SLC35G2: variants seen among roughly 807,000 people sequenced by gnomAD.
SLC35G2 encodes the protein solute carrier family 35 member G2.
Under a neutral mutation model 27.2 loss-of-function variants are expected in SLC35G2, and 20 were observed. The ratio of observed to expected loss-of-function variants is 0.74; its 90% CI spans 0.52 to 1.07. SLC35G2 has a LOEUF of 1.07. Among genes scored for constraint, SLC35G2 ranks in the 50% least tolerant of loss-of-function variants. The pLI is 0.00. For missense variants in SLC35G2, 416 were observed against 493.3 expected (o/e 0.84, Z 1.48); for synonymous variants, 148 against 165.3 (o/e 0.90, Z 0.80).
chr3:136,848,710 A>G (rs1329360500), intron 1 of SLC35G2, among the ~76,000 whole-genome samples: 1 of 152,224 alleles, frequency 6.6e-6, no homozygotes, highest in Non-Finnish European at 1.5e-5. Context: ...GTTCTGTCTT[A>G]CAAGCTCTTA....
At chr3:136,821,869 T>G (rs964506608) in intron 1 of SLC35G2, among the ~76,000 whole-genome samples, 2 of 152,236 alleles carry the variant, frequency 1.3e-5, no homozygotes, top group Non-Finnish European at 2.9e-5. Flanking sequence ...GATTAATAAC[T>G]CCTGATTTTC....
rs992696028 is a variant in SLC35G2, at chr3:136,848,902, C to T, written c.-18-5541C>T. Among the ~76,000 whole-genome samples, 7 of 152,000 alleles carry T rather than the reference C, an allele frequency of 4.6e-5. No homozygotes were observed. The South Asian group carries it at 6.2e-4, about 14-fold the overall frequency. ...ACCATTACATAATATATACATGTAA[C>T]GAACCGGGCACGGTGGCCTGTAATC... On this transcript the variant is annotated intron_variant, in intron 1 of 1. Coordinates refer to ENST00000446465, the MANE Select transcript of SLC35G2 (RefSeq NM_025246.3).
At chr3:136,832,000 C>A (rs1936740779) in intron 1 of SLC35G2, among the ~76,000 whole-genome samples, 1 of 144,098 alleles carries the variant, frequency 6.9e-6, no homozygotes, top group Admixed American at 7.4e-5. Flanking sequence ...GTGTCTTCTG[C>A]ATTTGTGTGA....
At chr3:136,852,105 A>C (rs1003465056) in intron 1 of SLC35G2, among the ~76,000 whole-genome samples, 4 of 152,230 alleles carry the variant, frequency 2.6e-5, no homozygotes, top group Admixed American at 1.3e-4. Flanking sequence ...ACATTAGGGA[A>C]AAAAATCTAT....
chr3:136,854,359 C>G, intron 1 of SLC35G2, 84 bp from the exon 2 acceptor site: 1 of 877,718 alleles, frequency 1.1e-6, no homozygotes, highest in Non-Finnish European at 1.7e-6. Flanking sequence ...TACTTTCTAT[C>G]ATTGAATTGA....
chr3:136,853,024 G>A (rs1937749426), intron 1 of SLC35G2, among the ~76,000 whole-genome samples: 1 of 152,120 alleles, frequency 6.6e-6, no homozygotes, highest in South Asian at 2.1e-4. Context: ...TTGTTTATAT[G>A]CATTATTTTA....
rs148665071 is a variant in SLC35G2, at chr3:136,847,451, A to G, written c.-18-6992A>G. On this transcript the variant is annotated intron_variant, in intron 1 of 1. Transcript: ENST00000446465. Reference sequence around the variant, plus strand: ...GGCCTATTAGAGTTAGCAGAAGACAACAAGCAAGGAGAGAATTCTAACGTA... The same window carrying G: ...GGCCTATTAGAGTTAGCAGAAGACAGCAAGCAAGGAGAGAATTCTAACGTA... 5.4e-4 allele frequency among the ~76,000 whole-genome samples: 82 copies of G among 152,288 alleles called. 1 individual carries two copies. In the East Asian group the frequency reaches 0.015, roughly 28 times the overall value.
chr3:136,829,320 C>G (rs1042029349), intron 1 of SLC35G2, among the ~76,000 whole-genome samples: 2 of 152,008 alleles, frequency 1.3e-5, no homozygotes. Flanking sequence ...CTCCCGGGTT[C>G]AAGCGATTCT....
chr3:136,822,635 T>C (rs1936484654), intron 1 of SLC35G2, among the ~76,000 whole-genome samples: 2 of 152,186 alleles, frequency 1.3e-5, no homozygotes, highest in South Asian at 4.1e-4. Context: ...CTCCATGAGT[T>C]CAATTTTTTT....
At chr3:136,853,589 AT>A (rs1292173065) in intron 1 of SLC35G2, among the ~76,000 whole-genome samples, 1 of 152,232 alleles carries the variant, frequency 6.6e-6, no homozygotes, top group Non-Finnish European at 1.5e-5. Context: ...ATGTAAAAAA[AT>A]AAATAACAAA....
rs116801228 is a variant in SLC35G2 at position 136,854,642 on chromosome 3, T to G, written c.182T>G (p.Met61Arg). Residue 61 changes from methionine (M) to arginine (R), a missense_variant, in exon 2 of 2, where the codon ATG becomes AGG. Physicochemically the swap from Met to Arg is moderately conservative, Grantham distance 91 (BLOSUM62 -1). Transcript: ENST00000446465. ...CCAAAGAAAGGTCTGCTGAGTGAAA[T>G]GAAAAAAAAAGGGAGAGCTTTCTTT... ...ENPKKGLLSE[M>R]KKKGRAFFGT... 2,219 of 1,611,248 alleles carry G rather than the reference T, an allele frequency of 1.4e-3. 35 individuals are homozygous for G. The African/African-American group carries it at 0.027, about 20-fold the overall frequency.
At chr3:136,841,526 C>T (rs1256423329) in intron 1 of SLC35G2, among the ~76,000 whole-genome samples, 2 of 151,856 alleles carry the variant, frequency 1.3e-5, no homozygotes, top group South Asian at 2.1e-4. Context: ...GTCGGGAGTT[C>T]GAGACCAGCC....
intron 1 of SLC35G2, among the ~76,000 whole-genome samples, chr3:136,825,548 G>T (rs537858187): frequency 2.0e-5 from 3 of 151,934 alleles, no homozygotes; most frequent in African/African-American, 7.3e-5. Context: ...AGCCATATAT[G>T]GCTTTTATTA....
At chr3:136,845,873 C>T (rs1227385852) in intron 1 of SLC35G2, among the ~76,000 whole-genome samples, 3 of 148,384 alleles carry the variant, frequency 2.0e-5, no homozygotes, top group Non-Finnish European at 4.4e-5. Flanking sequence ...GGATGACGGG[C>T]GTGAGCCACC....
At chr3:136,831,053 G>A (rs1333722050) in intron 1 of SLC35G2, among the ~76,000 whole-genome samples, 1 of 152,186 alleles carries the variant, frequency 6.6e-6, no homozygotes, top group African/African-American at 2.4e-5. Context: ...GAACTCAATG[G>A]AGGAAAGGAG....
intron 1 of SLC35G2, among the ~76,000 whole-genome samples, chr3:136,844,951 T>A (rs1374415402): frequency 6.6e-6 from 1 of 152,206 alleles, no homozygotes; most frequent in Non-Finnish European, 1.5e-5. Flanking sequence ...GGGTAGTTTG[T>A]CATCCCATTT....
chr3:136,855,014 C>A lies in SLC35G2; in HGVS notation c.554C>A (p.Ser185Ter), dbSNP rs201135761. 44 of 1,614,200 alleles carry A rather than the reference C, an allele frequency of 2.7e-5. No homozygotes were observed. The highest frequency in any genetic ancestry group is 3.3e-5 in the Non-Finnish European group (39 of 1,180,040). ...NVISITCAYT[S>*]FSIVPPSNGT... ...ATTTCTATCACTTGTGCTTATACATCATTTTCAATAGTTCCTCCCAGCAAT... is the reference window on the plus strand; with the variant it reads ...ATTTCTATCACTTGTGCTTATACATAATTTTCAATAGTTCCTCCCAGCAAT... Residue 185 changes from serine to a stop codon, truncating the protein, a stop_gained, in exon 2 of 2, where the codon TCA becomes TAA. Transcript: ENST00000446465. LOFTEE classifies it high-confidence loss of function.
intron 1 of SLC35G2, among the ~76,000 whole-genome samples, chr3:136,827,911 C>T (rs962369371): frequency 6.6e-6 from 1 of 151,506 alleles, no homozygotes; most frequent in Non-Finnish European, 1.5e-5. Context: ...ACTGCAACTT[C>T]CACCTCCTGG....
In SLC35G2 at chr3:136,854,578, G is replaced by C. The variant is rs780945551; in HGVS notation, c.118G>C (p.Glu40Gln). The C allele has an allele frequency of 3.1e-6, 5 of 1,612,878 alleles. No homozygotes were observed. The South Asian group carries it at 5.5e-5, about 18-fold the overall frequency. ...CCAGCCTGGCGATGATGGATATGAA[G>C]AAATCAATGAAGGCTATGGAAATTT... ...YPQPGDDGYE[E>Q]INEGYGNFME... Residue 40 changes from glutamate to glutamine, a missense_variant, in exon 2 of 2, where the codon GAA becomes CAA. Glu to Gln is a conservative substitution (Grantham distance 29). Transcript: ENST00000446465.
Sources: allele counts gnomAD v4.1 joint callset (sites outside exome capture counted in the v4.1 genomes callset), GRCh38; gene constraint gnomAD v4.1.1; transcripts MANE v1.5; gene names NCBI Gene and HGNC (gene_info 2026-07-23, HGNC 2026-07-21).